The following CEMIP2 variants were observed in gnomAD, a reference collection of about 807,000 sequenced individuals.
CEMIP2 encodes cell surface hyaluronidase CEMIP2.
Under a neutral mutation model 146.9 loss-of-function variants are expected in CEMIP2, and 79 were observed. The ratio of observed to expected loss-of-function variants is 0.54; its 90% CI spans 0.45 to 0.65. CEMIP2 has a LOEUF of 0.65. CEMIP2 is among the 30% of genes least tolerant of loss of function. The pLI is 0.00. For synonymous variants in CEMIP2, 601 were observed against 606.3 expected (o/e 0.99, Z 0.13); for missense variants, 1,596 against 1,696.2 (o/e 0.94, Z 1.04).
intron 12 of CEMIP2, among the ~76,000 whole-genome samples, chr9:71,721,097 T>C (rs891569265): frequency 6.6e-6 from 1 of 152,012 alleles, no homozygotes; most frequent in Non-Finnish European, 1.5e-5. Flanking sequence ...CATAAATATA[T>C]ATACATAAAT....
At chr9:71,747,342 A>G (rs1824120257) in intron 2 of CEMIP2, among the ~76,000 whole-genome samples, 1 of 152,240 alleles carries the variant, frequency 6.6e-6, no homozygotes, top group South Asian at 2.1e-4. Context: ...TGAAATAATG[A>G]AACACTGAAC....
chr9:71,761,599 A>T (rs1824639960), intron 1 of CEMIP2, among the ~76,000 whole-genome samples: 1 of 152,238 alleles, frequency 6.6e-6, no homozygotes, highest in Admixed American at 6.5e-5. Flanking sequence ...GCCTATTTTT[A>T]ATATAACTTA....
rs1385307356 is a variant in CEMIP2 at position 71,737,774 on chromosome 9, G to A, written c.1204+2289C>T. ...TATCTCTATAAAGCACAGAAATAAA[G>A]TGCCTAACAAATCTAAAATGTTTTC... On this transcript the variant is annotated intron_variant, in intron 5 of 23. Transcript: ENST00000377044. Among the ~76,000 whole-genome samples, 4 of 152,106 alleles carry A rather than the reference G, an allele frequency of 2.6e-5. No individual in the cohort carries two copies. The East Asian group carries it at 7.7e-4, about 29-fold the overall frequency.
At chr9:71,725,542 T>C (rs62547007) in intron 11 of CEMIP2, 39 bp downstream of exon 11, 136,731 of 1,602,730 alleles carry the variant, frequency 0.085, 6,981 homozygotes, top group South Asian at 0.19. Context: ...CTTTACACTG[T>C]CTAGCATATG....
intron 11 of CEMIP2, among the ~76,000 whole-genome samples, chr9:71,725,202 T>G (rs1008752031): frequency 6.6e-6 from 1 of 152,184 alleles, no homozygotes; most frequent in Non-Finnish European, 1.5e-5. Flanking sequence ...CCAAAAAGCA[T>G]GTGTTAGAAA....
chr9:71,698,680 C>T (rs1051892411), intron 19 of CEMIP2, among the ~76,000 whole-genome samples: 1 of 152,200 alleles, frequency 6.6e-6, no homozygotes, highest in African/African-American at 2.4e-5. Context: ...GATAAAGTCT[C>T]AAATCAATTC....
chr9:71,754,959 T>A (rs1824379638), intron 1 of CEMIP2, among the ~76,000 whole-genome samples: 1 of 152,140 alleles, frequency 6.6e-6, no homozygotes, highest in Non-Finnish European at 1.5e-5. Flanking sequence ...AGTGCTTTTG[T>A]CTAATTCTCA....
intron 10 of CEMIP2, among the ~76,000 whole-genome samples, chr9:71,726,583 G>T: frequency 6.6e-6 from 1 of 152,260 alleles, no homozygotes. Flanking sequence ...AAGAAAGATA[G>T]AGATAATTAA....
chr9:71,690,991 C>A (rs1822210098), intron 21 of CEMIP2, among the ~76,000 whole-genome samples: 1 of 152,142 alleles, frequency 6.6e-6, no homozygotes, highest in Non-Finnish European at 1.5e-5. Flanking sequence ...AGGCACTGTT[C>A]CTGTTTATAA....
At chr9:71,730,373 G>C (rs1823580986) in intron 8 of CEMIP2, 120 bp from the exon 9 acceptor site, 1 of 977,428 alleles carries the variant, frequency 1.0e-6, no homozygotes, top group Non-Finnish European at 1.5e-6. Context: ...AACCTTAGCA[G>C]AATGGGCAAA....
chr9:71,730,139 G>C lies in CEMIP2; in HGVS notation c.1888C>G (p.Leu630Val), dbSNP rs1823573381. ...NLGLLTKPGT[L>V]LPTDRNNSMC... is the part of the protein sequence containing the mutation. ...GAGTTGTTCCTATCGGTGGGCAGGA[G>C]AGTACCCGGCTTGGTGAGGAGTCCC... Residue 630 changes from leucine (L) to valine (V), a missense_variant, in exon 9 of 24, where the codon CTC (leucine) becomes GTC (valine). Transcript: ENST00000377044. The C allele has an allele frequency of 1.1e-5, 17 of 1,614,150 alleles. No individual in the cohort carries two copies. The highest frequency in any genetic ancestry group is 1.4e-5 in the Non-Finnish European group (16 of 1,180,038).
chr9:71,707,252 A>G lies in CEMIP2; in HGVS notation c.2985+2007T>C, dbSNP rs539689665. Among the ~76,000 whole-genome samples, 9 of 152,328 alleles carry G rather than the reference A, an allele frequency of 5.9e-5. No individual in the cohort carries two copies. In the South Asian group the frequency reaches 8.3e-4, roughly 14 times the overall value. On this transcript the variant is annotated intron_variant, in intron 17 of 23. Transcript: ENST00000377044. ...ATAAGATAAATGGAAAAAATAAATC[A>G]CATTATAAACCATGTTCCTTTCTTC...
chr9:71,740,569 T>C (rs188978507), intron 4 of CEMIP2, among the ~76,000 whole-genome samples: 3 of 152,334 alleles, frequency 2.0e-5, no homozygotes, highest in Admixed American at 2.0e-4. Context: ...CTTAAAATGA[T>C]TATCACATGC....
chr9:71,734,844 G>C lies in CEMIP2; in HGVS notation c.1355C>G (p.Pro452Arg). The change falls in exon 6 of 24, where the codon CCC becomes CGC. Residue 452 changes from proline (P) to arginine (R), a missense_variant. Coordinates refer to ENST00000377044, the MANE Select transcript of CEMIP2 (RefSeq NM_013390.3). ...MYQAEEFTLLPCSECSHFQVK... is the reference protein window; with the variant it reads ...MYQAEEFTLLRCSECSHFQVK... Reference sequence around the variant, plus strand: ...CTGAAAATGGCTGCATTCAGAACAGGGAAGAAGAGTGAACTCCTCTGCTTG... The same window carrying C: ...CTGAAAATGGCTGCATTCAGAACAGCGAAGAAGAGTGAACTCCTCTGCTTG... The C allele has an allele frequency of 1.9e-6, 3 of 1,613,520 alleles. No individual in the cohort carries two copies. Among genetic ancestry groups the C allele is most frequent in the Non-Finnish European group, 2.5e-6 (3 of 1,179,726 alleles).
chr9:71,750,185 T>A lies in CEMIP2; in HGVS notation c.189A>T (p.Ser63=). The A allele has an allele frequency of 6.2e-7, 1 of 1,614,180 alleles. No homozygotes were observed. The highest frequency in any genetic ancestry group is 8.5e-7 in the Non-Finnish European group (1 of 1,180,006). ...RREDRATFAF[S]PEEQQAQRES... is the part of the protein sequence containing the mutation. ...CTCTCTGGGCTTGCTGTTCTTCAGG[T>A]GAGAATGCGAAGGTTGCCCGGTCTT... Residue 63 remains serine (S), a synonymous_variant, in exon 2 of 24, where the codon TCA becomes TCT. Transcript: ENST00000377044.
chr9:71,701,267 G>A (rs1385379224), intron 18 of CEMIP2, among the ~76,000 whole-genome samples: 6 of 152,022 alleles, frequency 3.9e-5, no homozygotes, highest in Middle Eastern at 6.8e-3. Flanking sequence ...CACCATGCAC[G>A]GCTAATTTTT....
intron 22 of CEMIP2, chr9:71,687,141 T>G (rs1040773425): frequency 2.0e-5 from 3 of 152,266 alleles, no homozygotes; most frequent in Non-Finnish European, 4.4e-5. Context: ...CTTGTATTAC[T>G]GTAATTTGTT....
chr9:71,704,412 C>A, intron 18 of CEMIP2, 183 bp downstream of exon 18: 1 of 623,802 alleles, frequency 1.6e-6, no homozygotes, highest in Non-Finnish European at 2.8e-6. Flanking sequence ...TTTGAAATGA[C>A]AGGATTCAAT....
chr9:71,763,408 T>C (rs1045901085), intron 1 of CEMIP2, among the ~76,000 whole-genome samples: 1 of 152,190 alleles, frequency 6.6e-6, no homozygotes, highest in Non-Finnish European at 1.5e-5. Context: ...GATACTTACA[T>C]GAAACTCAGT....
Sources: allele counts gnomAD v4.1 joint callset (sites outside exome capture counted in the v4.1 genomes callset), GRCh38; gene constraint gnomAD v4.1.1; transcripts MANE v1.5; gene names NCBI Gene and HGNC (gene_info 2026-07-23, HGNC 2026-07-21).